Variants in CAPN12 observed in about 807,000 individuals in gnomAD.
The protein encoded by CAPN12 is calpain 12, also known as calpain-12.
A neutral mutation model predicts 95.0 loss-of-function variants in CAPN12; 107 were observed. The observed-to-expected ratio is 1.13, with a 90% CI of 0.96 to 1.32. The LOEUF is 1.32. Ranked by LOEUF, CAPN12 falls within the 40% of genes most tolerant of loss-of-function variation. The pLI, the probability that CAPN12 is intolerant of heterozygous loss-of-function variation, is 0.00. For missense variants in CAPN12, 1,136 were observed against 997.8 expected, an observed-to-expected ratio of 1.14 and a Z score of -1.87; for synonymous variants, 505 against 415.5, an observed-to-expected ratio of 1.22 and a Z score of -2.62.
At chr19:38,736,646 CTG>C in intron 10 of CAPN12, 83 bp from the exon 11 acceptor site, 1 of 1,339,204 alleles carries the variant, frequency 7.5e-7, no homozygotes, top group Non-Finnish European at 1.0e-6. Flanking sequence ...CTTCTCACCT[CTG>C]TGCTCTCTCC....
chr19:38,742,659 C>T lies in CAPN12; in HGVS notation c.308-131G>A, dbSNP rs573702340. ...CGTGAGCCTAGGAGTTCAAGACCAG[C>T]CTGGCCAACATGGCAAGACTCCACT... On this transcript the variant is annotated intron_variant, in intron 2 of 20. Transcript: ENST00000328867. 5.9e-5 allele frequency: 39 copies of T among 657,126 alleles called. No individual in the cohort carries two copies. In the African/African-American group the frequency reaches 6.8e-4, roughly 11 times the overall value. The allele number at this position is 657,126 out of a possible 1,614,324, so 40.7% of individuals were successfully genotyped here.
chr19:38,744,428 G>A lies in CAPN12; in HGVS notation c.-263C>T, dbSNP rs149618130. The A allele has an allele frequency of 2.4e-5, 13 of 551,702 alleles. No individual in the cohort carries two copies. The highest frequency in any genetic ancestry group is 3.6e-5 in the Non-Finnish European group (11 of 306,880). 34.2% of individuals were successfully genotyped at this position (551,702 alleles called of 1,614,324 possible). On this transcript the variant is annotated 5_prime_UTR_variant, in exon 1 of 21. Transcript: ENST00000328867. ...AGCAGGAGAGAAGGCGGGCAGAGCT[G>A]AGGGAGGACCGGCTGCCGCTGTCAG...
chr19:38,741,649 C>T, intron 4 of CAPN12, 128 bp downstream of exon 4: 1 of 1,158,204 alleles, frequency 8.6e-7, no homozygotes, highest in Non-Finnish European at 1.2e-6. Flanking sequence ...TGGCGGTTGT[C>T]ACTTGGTTTG....
intron 5 of CAPN12, 154 bp downstream of exon 5, chr19:38,739,897 G>A: frequency 1.4e-6 from 1 of 740,000 alleles, no homozygotes. Flanking sequence ...ATTCATGAGA[G>A]CAAATGAATT....
At chr19:38,738,370 G>T in intron 7 of CAPN12, 23 bp from the exon 8 acceptor site, 4 of 1,611,656 alleles carry the variant, frequency 2.5e-6, no homozygotes, top group Non-Finnish European at 3.4e-6. Flanking sequence ...TGGTGTGAGG[G>T]GCGGGCAGGT....
At chr19:38,742,714 G>A (rs1449969618) in intron 2 of CAPN12, among the ~76,000 whole-genome samples, 186 bp from the exon 3 acceptor site, 1 of 152,008 alleles carries the variant, frequency 6.6e-6, no homozygotes, top group African/African-American at 2.4e-5. Flanking sequence ...AGCTGGGCAT[G>A]GTGGCATGCA....
intron 4 of CAPN12, 144 bp from the exon 5 acceptor site, chr19:38,740,363 C>T: frequency 1.1e-6 from 1 of 914,068 alleles, no homozygotes; most frequent in Admixed American, 3.0e-5. Context: ...TCCAGGGTCA[C>T]CCTGTGGCCC....
At chr19:38,733,472 C>T in intron 18 of CAPN12, 3 of 520,226 alleles carry the variant, frequency 5.8e-6, no homozygotes, top group Non-Finnish European at 1.0e-5. Flanking sequence ...CTACCAGGCA[C>T]ATCCCCCTTT....
rs200214600 is a variant in CAPN12 at position 38,742,395 on chromosome 19, G to A, written c.426+15C>T. The A allele has an allele frequency of 7.8e-5, 122 of 1,571,988 alleles. No individual in the cohort carries two copies. The East Asian group carries it at 2.6e-3, about 33-fold the overall frequency. ...TGGGGGAAACGGAGGCATGGGCAGA[G>A]GAACTGAGCTGTACCTGGAAGTGGA... On this transcript the variant is annotated intron_variant, in intron 3 of 20. Transcript: ENST00000328867.
chr19:38,738,171 G>A (rs1568788801), intron 8 of CAPN12, 102 bp downstream of exon 8: 4 of 1,205,118 alleles, frequency 3.3e-6, no homozygotes, highest in Non-Finnish European at 3.6e-6. Flanking sequence ...GATGTACACA[G>A]TTTCTCCCTA....
chr19:38,735,221 G>A (rs980356293), intron 14 of CAPN12, 149 bp downstream of exon 14: 5 of 771,428 alleles, frequency 6.5e-6, no homozygotes, highest in Admixed American at 2.9e-5. Context: ...GAGGAGCTGT[G>A]AGCATTTCAA....
chr19:38,742,371 G>A (rs1266356452), intron 3 of CAPN12, 39 bp downstream of exon 3: 27 of 1,382,772 alleles, frequency 2.0e-5, no homozygotes, highest in Middle Eastern at 1.8e-4. Context: ...AAGTCACCAT[G>A]GGGGAAACGG....
chr19:38,737,079 C>T (rs1325453665), intron 10 of CAPN12, 77 bp downstream of exon 10: 21 of 1,066,458 alleles, frequency 2.0e-5, no homozygotes, highest in Non-Finnish European at 4.0e-6. Flanking sequence ...CCCTCCATGC[C>T]TCCCCCGCTC....
chr19:38,732,919 GCT>G (rs1969735581), intron 18 of CAPN12, among the ~76,000 whole-genome samples: 3 of 152,158 alleles, frequency 2.0e-5, no homozygotes, highest in African/African-American at 7.2e-5. Flanking sequence ...TTTCTCTCTG[GCT>G]CTCTTTCTTG....
Position 38,744,044 on chromosome 19 carries a change from T to C in CAPN12, c.122A>G (p.Asp41Gly). The C allele has an allele frequency of 6.2e-7, 1 of 1,614,190 alleles. No homozygotes were observed. Among genetic ancestry groups the C allele is most frequent in the Non-Finnish European group, 8.5e-7 (1 of 1,180,036 alleles). The change falls in exon 1 of 21, where the codon GAT becomes GGT. Residue 41 changes from aspartate (D) to glycine (G), a missense_variant. By Grantham distance (94) the Asp-to-Gly change is moderately conservative. Coordinates refer to ENST00000328867, the MANE Select transcript of CAPN12 (RefSeq NM_144691.4). ...SYEAIRAACL[D>G]SGILFRDPYF... ...AGGGTCGCGGAACAGGATCCCCGAA[T>C]CCAGGCAGGCTGCCCGAATTGCCTC...
intron 10 of CAPN12, 147 bp from the exon 11 acceptor site, chr19:38,736,710 G>A (rs955177373): frequency 8.8e-6 from 9 of 1,018,770 alleles, no homozygotes; most frequent in South Asian, 1.8e-5. Context: ...CGCAGTCCCC[G>A]ACCCAGGCCC....
rs1378867825 is a variant in CAPN12, at chr19:38,741,834, A to T, written c.503T>A (p.Val168Glu). 6.2e-7 allele frequency: 1 copy of T among 1,614,138 alleles called. No individual in the cohort carries two copies. ...GAACTCATTCCGCTGTTCCGAGCGCACGAACATCAGCTTCCCCTCACGCAC... is the reference window on the plus strand; with the variant it reads ...GAACTCATTCCGCTGTTCCGAGCGCTCGAACATCAGCTTCCCCTCACGCAC... ...LPVREGKLMF[V>E]RSEQRNEFWA... Residue 168 changes from valine to glutamate, a missense_variant, in exon 4 of 21, where the codon GTG becomes GAG. Val to Glu is a moderately radical substitution (Grantham distance 121, BLOSUM62 -2). Transcript: ENST00000328867.
chr19:38,732,598 C>T (rs1039093789), intron 18 of CAPN12, among the ~76,000 whole-genome samples: 2 of 152,242 alleles, frequency 1.3e-5, no homozygotes, highest in African/African-American at 4.8e-5. Flanking sequence ...GCCTTAGCCT[C>T]CCAAAGTGCT....
chr19:38,735,510 A>C lies in CAPN12; in HGVS notation c.1618T>G (p.Ser540Ala). 6.2e-7 allele frequency: 1 copy of C among 1,610,950 alleles called. No individual in the cohort carries two copies. Among genetic ancestry groups the C allele is most frequent in the Non-Finnish European group, 8.5e-7 (1 of 1,179,434 alleles). ...CCAGGAACAGTCCCCACCTGGAGAGACTGCAGGTCTGCGCTGATCACGTCG... is the reference window on the plus strand; with the variant it reads ...CCAGGAACAGTCCCCACCTGGAGAGCCTGCAGGTCTGCGCTGATCACGTCG... The part of the protein sequence containing the change: ...IDDVISADLQ[S>A]LQGPYLPLEL... The change falls in exon 13 of 21, where the codon TCT (serine) becomes GCT (alanine). Residue 540 changes from serine to alanine, a missense_variant. Transcript: ENST00000328867.
Sources: allele counts gnomAD v4.1 joint callset (sites outside exome capture counted in the v4.1 genomes callset), GRCh38; gene constraint gnomAD v4.1.1; transcripts MANE v1.5; gene names NCBI Gene and HGNC (gene_info 2026-07-23, HGNC 2026-07-21).